The following COL13A1 variants were observed in gnomAD, a reference collection of about 807,000 sequenced individuals.
COL13A1 encodes the protein collagen alpha-1(XIII) chain.
Under a neutral mutation model 130.9 loss-of-function variants are expected in COL13A1, and 89 were observed. The ratio of observed to expected loss-of-function variants is 0.68; its 90% CI spans 0.57 to 0.81. The LOEUF (loss-of-function observed/expected upper bound fraction) is 0.81, where lower values mean the gene tolerates loss of function less well. Ranked by LOEUF, COL13A1 falls within the 30% of genes least tolerant of loss-of-function variation. The pLI is 0.00. For missense variants in COL13A1, 879 were observed against 934.6 expected, an observed-to-expected ratio of 0.94 and a Z score of 0.78; for synonymous variants, 402 against 341.6, an observed-to-expected ratio of 1.18 and a Z score of -1.95.
At chr10:69,804,798 C>A in intron 1 of COL13A1, among the ~76,000 whole-genome samples, 1 of 86,000 alleles carries the variant, frequency 1.2e-5, no homozygotes, top group African/African-American at 4.6e-5. Flanking sequence ...GGGCAGTGAC[C>A]ATGTCGTGTG....
At chr10:69,815,009 G>A (rs550685064) in intron 1 of COL13A1, among the ~76,000 whole-genome samples, 3 of 152,300 alleles carry the variant, frequency 2.0e-5, no homozygotes, top group Admixed American at 6.5e-5. Flanking sequence ...TAGATGCTCC[G>A]TGGTTTCCCA....
rs556497920 is a variant in COL13A1, at chr10:69,843,013, T to C, written c.364+20575T>C. Among the ~76,000 whole-genome samples the C allele has an allele frequency of 9.2e-5, 14 of 152,208 alleles. 1 individual carries two copies. Among genetic ancestry groups the C allele is most frequent in the Non-Finnish European group, 1.6e-4 (11 of 68,032 alleles). ...GCAGAAACACTGAGAGTAAACTGTT[T>C]ATGTTCTCCGGCTGCTGAGCCTAAA... On this transcript the variant is annotated intron_variant, in intron 2 of 40. Transcript: ENST00000645393.
chr10:69,890,230 C>A (rs2061036809), intron 10 of COL13A1, among the ~76,000 whole-genome samples: 1 of 152,202 alleles, frequency 6.6e-6, no homozygotes, highest in Non-Finnish European at 1.5e-5. Flanking sequence ...GAATGAGGGG[C>A]TGCGCACTCT....
At chr10:69,947,057 G>T (rs1565153401) in intron 37 of COL13A1, among the ~76,000 whole-genome samples, 1 of 152,190 alleles carries the variant, frequency 6.6e-6, no homozygotes, top group Non-Finnish European at 1.5e-5. Flanking sequence ...CAAAGTGCTG[G>T]GATTACAGGC....
intron 38 of COL13A1, 82 bp downstream of exon 38, chr10:69,947,424 C>T (rs1426895106): frequency 2.3e-6 from 3 of 1,325,870 alleles, no homozygotes; most frequent in African/African-American, 1.5e-5. Flanking sequence ...GATTCCTGAC[C>T]AACATGGCGA....
rs1840217783 is a variant in COL13A1, at chr10:69,802,334, T to C, written c.-90T>C. The C allele has an allele frequency of 1.9e-5, 25 of 1,323,694 alleles. No homozygotes were observed. The highest frequency in any genetic ancestry group is 2.3e-5 in the Non-Finnish European group (24 of 1,026,624). The allele number at this position is 1,323,694 out of a possible 1,614,324, so 82.0% of individuals were successfully genotyped here. Reference sequence around the variant, plus strand: ...TCCAGCGATACAAGCCCTTTCCCCCTGCCCCGCAGTTTGGATAGAGCCTTT... The same window carrying C: ...TCCAGCGATACAAGCCCTTTCCCCCCGCCCCGCAGTTTGGATAGAGCCTTT... On this transcript the variant is annotated 5_prime_UTR_variant, in exon 1 of 41. Transcript: ENST00000645393.
chr10:69,929,042 C>T (rs770659898), intron 28 of COL13A1, 43 bp downstream of exon 28: 1 of 1,509,766 alleles, frequency 6.6e-7, no homozygotes, highest in Non-Finnish European at 9.2e-7. Flanking sequence ...TTTGCAAGGG[C>T]ATCGACCCCA....
chr10:69,946,754 TG>T (rs2068605861), intron 37 of COL13A1, among the ~76,000 whole-genome samples: 1 of 152,118 alleles, frequency 6.6e-6, no homozygotes, highest in Non-Finnish European at 1.5e-5. Context: ...GGACCTGGGC[TG>T]GAGAGGTGAG....
Position 69,958,712 on chromosome 10 carries a change from C to T in COL13A1, c.*11C>T. The stretch of plus-strand genomic sequence containing the variant: ...TTTGTTTTGCAGTGATGCCTCTAAC[C>T]TTGGATTGGCCTGTGTGTGTGTTTG... On this transcript the variant is annotated 3_prime_UTR_variant, in exon 41 of 41. Coordinates refer to ENST00000645393, the MANE Select transcript of COL13A1 (RefSeq NM_001368882.1). The T allele has an allele frequency of 1.2e-6, 2 of 1,613,816 alleles. No homozygotes were observed. Among genetic ancestry groups the T allele is most frequent in the Non-Finnish European group, 1.7e-6 (2 of 1,179,854 alleles).
At chr10:69,955,673 T>G (rs1164817118) in intron 39 of COL13A1, 1 of 152,070 alleles carries the variant, frequency 6.6e-6, no homozygotes, top group Non-Finnish European at 1.5e-5. Flanking sequence ...ACCCTGAAAC[T>G]GTGGAATGCA....
intron 1 of COL13A1, among the ~76,000 whole-genome samples, chr10:69,810,899 C>T (rs1179695057): frequency 6.6e-6 from 1 of 152,224 alleles, no homozygotes; most frequent in Non-Finnish European, 1.5e-5. Flanking sequence ...GGCCTGCTGG[C>T]AGGGGGTGCT....
intron 6 of COL13A1, among the ~76,000 whole-genome samples, chr10:69,878,991 A>G (rs1434453933): frequency 6.6e-6 from 1 of 152,280 alleles, no homozygotes; most frequent in Non-Finnish European, 1.5e-5. Flanking sequence ...CTCAACAATT[A>G]TAATACAGTT....
chr10:69,921,530 G>A (rs1021650170), intron 21 of COL13A1, among the ~76,000 whole-genome samples: 52 of 152,314 alleles, frequency 3.4e-4, no homozygotes, highest in African/African-American at 1.0e-3. Context: ...AACCACTGGC[G>A]TTCTGAACTG....
intron 3 of COL13A1, among the ~76,000 whole-genome samples, chr10:69,868,443 G>T (rs1384789692): frequency 6.6e-6 from 1 of 152,208 alleles, no homozygotes; most frequent in African/African-American, 2.4e-5. Context: ...AGGGAGTGGA[G>T]CCACTTCCAG....
chr10:69,843,943 G>A (rs1852298430), intron 2 of COL13A1, among the ~76,000 whole-genome samples: 2 of 152,190 alleles, frequency 1.3e-5, no homozygotes, highest in Admixed American at 6.5e-5. Flanking sequence ...CATATGCTGT[G>A]GGCAGGTGCC....
At chr10:69,881,472 G>A (rs899645422) in intron 7 of COL13A1, among the ~76,000 whole-genome samples, 1 of 152,216 alleles carries the variant, frequency 6.6e-6, no homozygotes, top group Non-Finnish European at 1.5e-5. Context: ...CAGAGGGAGA[G>A]GGGCCAGAGA....
At chr10:69,870,243 G>C (rs2058925301) in intron 3 of COL13A1, among the ~76,000 whole-genome samples, 2 of 151,922 alleles carry the variant, frequency 1.3e-5, no homozygotes, top group African/African-American at 4.8e-5. Flanking sequence ...GGCTTCCCTA[G>C]ATGATGCCCA....
intron 2 of COL13A1, among the ~76,000 whole-genome samples, chr10:69,864,732 G>C (rs1859311183): frequency 6.6e-6 from 1 of 152,214 alleles, no homozygotes; most frequent in Non-Finnish European, 1.5e-5. Context: ...GTCCATTTTG[G>C]GGAAGCATGG....
chr10:69,957,301 G>A (rs1188287861), intron 40 of COL13A1, among the ~76,000 whole-genome samples: 1 of 152,194 alleles, frequency 6.6e-6, no homozygotes, highest in African/African-American at 2.4e-5. Flanking sequence ...TGCTTTGTGT[G>A]TTCAATGTAC....
Sources: allele counts gnomAD v4.1 joint callset (sites outside exome capture counted in the v4.1 genomes callset), GRCh38; gene constraint gnomAD v4.1.1; transcripts MANE v1.5; gene names NCBI Gene and HGNC (gene_info 2026-07-23, HGNC 2026-07-21).